BACH2: variants seen among roughly 807,000 people sequenced by gnomAD.
The protein encoded by BACH2 is transcription regulator protein BACH2.
BACH2 carries 5 observed loss-of-function variants against 61.8 expected under a neutral mutation model. The observed-to-expected ratio is 0.08, with a 90% CI of 0.04 to 0.17. The LOEUF (loss-of-function observed/expected upper bound fraction) is 0.17, where lower values mean the gene tolerates loss of function less well. BACH2 is among the 10% of genes least tolerant of loss of function. BACH2 has a pLI of 1.00. For missense variants in BACH2, 824 were observed against 1,091.1 expected (o/e 0.76, Z 3.45); for synonymous variants, 446 against 440.1 (o/e 1.01, Z -0.17).
intron 2 of BACH2, among the ~76,000 whole-genome samples, chr6:90,262,478 G>A (rs1771193231): frequency 6.6e-6 from 1 of 152,120 alleles, no homozygotes; most frequent in Admixed American, 6.5e-5. Flanking sequence ...ATGATTCCAG[G>A]ACAGCAATCC....
chr6:90,068,910 C>T (rs553721659), intron 5 of BACH2, among the ~76,000 whole-genome samples: 1 of 152,258 alleles, frequency 6.6e-6, no homozygotes, highest in African/African-American at 2.4e-5. Context: ...GGATTCGCGC[C>T]GTAATCATTA....
intron 5 of BACH2, among the ~76,000 whole-genome samples, chr6:90,084,292 C>G (rs1186184639): frequency 6.6e-6 from 1 of 151,802 alleles, no homozygotes; most frequent in Non-Finnish European, 1.5e-5. Context: ...GTCTTCTCTA[C>G]TTTATGTCAT....
At chr6:90,180,967 G>A (rs1333779002) in intron 4 of BACH2, among the ~76,000 whole-genome samples, 2 of 152,066 alleles carry the variant, frequency 1.3e-5, no homozygotes, top group Non-Finnish European at 1.5e-5. Flanking sequence ...TGTGAATTGT[G>A]CTGCAATAAA....
chr6:89,958,708 A>T (rs1013824751), intron 6 of BACH2, among the ~76,000 whole-genome samples: 1 of 152,174 alleles, frequency 6.6e-6, no homozygotes, highest in Non-Finnish European at 1.5e-5. Flanking sequence ...CTGCTAAGGG[A>T]ATTAGTGTAA....
At chr6:90,067,846 T>G (rs1178606066) in intron 5 of BACH2, among the ~76,000 whole-genome samples, 1 of 152,116 alleles carries the variant, frequency 6.6e-6, no homozygotes. Context: ...GTGGTCACAG[T>G]GTATTTATCA....
intron 3 of BACH2, among the ~76,000 whole-genome samples, chr6:90,248,043 T>C (rs865968080): frequency 6.6e-6 from 1 of 152,246 alleles, no homozygotes; most frequent in African/African-American, 2.4e-5. Context: ...AATGAATACA[T>C]ATGCTCCTTG....
intron 3 of BACH2, among the ~76,000 whole-genome samples, chr6:90,208,313 A>C (rs1360331046): frequency 6.6e-6 from 1 of 152,228 alleles, no homozygotes; most frequent in African/African-American, 2.4e-5. Flanking sequence ...CCATCTGACA[A>C]AGGGCTAATA....
intron 3 of BACH2, among the ~76,000 whole-genome samples, chr6:90,212,589 T>C (rs60724777): frequency 0.079 from 12,030 of 152,242 alleles, 563 homozygotes; most frequent in South Asian, 0.14. Context: ...CAGCATACCA[T>C]GGAAAACAGA....
intron 5 of BACH2, among the ~76,000 whole-genome samples, chr6:90,074,737 G>A (rs1436103585): frequency 6.6e-6 from 1 of 152,100 alleles, no homozygotes; most frequent in Non-Finnish European, 1.5e-5. Context: ...GGAAGCGATG[G>A]CGGGATCATT....
intron 4 of BACH2, among the ~76,000 whole-genome samples, chr6:90,133,589 G>A (rs985214699): frequency 6.6e-6 from 1 of 151,310 alleles, no homozygotes; most frequent in Non-Finnish European, 1.5e-5. Context: ...TGTGCACAAC[G>A]TGCAGGTTTG....
intron 5 of BACH2, among the ~76,000 whole-genome samples, chr6:90,059,494 T>C (rs1780563408): frequency 6.6e-6 from 1 of 152,158 alleles, no homozygotes; most frequent in South Asian, 2.1e-4. Flanking sequence ...GGAGAGGATG[T>C]GGAGAAATAG....
chr6:89,951,312 C>G lies in BACH2; in HGVS notation c.794G>C (p.Ser265Thr). Residue 265 changes from serine (S) to threonine (T), a missense_variant, in exon 7 of 9, where the codon AGC becomes ACC. Physicochemically the swap from Ser to Thr is moderately conservative, Grantham distance 58. Coordinates refer to ENST00000257749, the MANE Select transcript of BACH2 (RefSeq NM_021813.4). This position sits in a 1 kb window ranked among gnomAD's most constrained non-coding sequence, Gnocchi z 6.4. ...CCCCCTGGCAAGCCCCGGCTTGAGG[C>G]TGTTGCTAGAGTTATCTTCCCGGAA... ...STFREDNSSNSLKPGLARGQI... is the reference protein window; with the variant it reads ...STFREDNSSNTLKPGLARGQI... 6.2e-7 allele frequency: 1 copy of G among 1,614,224 alleles called. No homozygotes were observed. The highest frequency in any genetic ancestry group is 8.5e-7 in the Non-Finnish European group (1 of 1,180,042).
At chr6:90,273,796 G>A (rs1771603020) in intron 1 of BACH2, among the ~76,000 whole-genome samples, 1 of 152,174 alleles carries the variant, frequency 6.6e-6, no homozygotes, top group Admixed American at 6.5e-5. Context: ...CTCACAGGCT[G>A]GAAATTACTG....
chr6:90,059,325 G>T (rs1234391970), intron 5 of BACH2, among the ~76,000 whole-genome samples: 2 of 152,188 alleles, frequency 1.3e-5, no homozygotes, highest in East Asian at 1.9e-4. Context: ...GATATGAACA[G>T]ACACTTCTCA....
chr6:90,162,675 T>A (rs1484508322), intron 4 of BACH2, among the ~76,000 whole-genome samples: 1 of 152,022 alleles, frequency 6.6e-6, no homozygotes, highest in Non-Finnish European at 1.5e-5. Context: ...AACAAAAAAT[T>A]CAGACACCAG....
chr6:90,019,871 A>G (rs2127784538), intron 5 of BACH2, among the ~76,000 whole-genome samples: 1 of 152,346 alleles, frequency 6.6e-6, no homozygotes, highest in South Asian at 2.1e-4. Context: ...TTAGAAAAAC[A>G]AAGATACAGC....
chr6:90,091,246 G>C (rs1424221910), intron 4 of BACH2, among the ~76,000 whole-genome samples: 1 of 152,180 alleles, frequency 6.6e-6, no homozygotes, highest in East Asian at 1.9e-4. Flanking sequence ...AAACGAAGCA[G>C]AGAAAGTCTA....
At chr6:90,043,139 T>C (rs947436699) in intron 5 of BACH2, among the ~76,000 whole-genome samples, 11 of 152,208 alleles carry the variant, frequency 7.2e-5, no homozygotes, top group African/African-American at 2.7e-4. Context: ...AGGATCATGT[T>C]TGGGGGCTGG....
intron 1 of BACH2, among the ~76,000 whole-genome samples, chr6:90,285,218 G>A (rs1407205128): frequency 6.6e-6 from 1 of 152,144 alleles, no homozygotes; most frequent in Non-Finnish European, 1.5e-5. Context: ...AATGACCTGA[G>A]GTCAAGTTTT....
Sources: allele counts gnomAD v4.1 joint callset (sites outside exome capture counted in the v4.1 genomes callset), GRCh38; gene constraint gnomAD v4.1.1; non-coding constraint Gnocchi (gnomAD v3.1); transcripts MANE v1.5; gene names NCBI Gene and HGNC (gene_info 2026-07-23, HGNC 2026-07-21).